Variants in RASA1 observed in about 807,000 individuals in gnomAD.
RASA1 encodes the protein ras GTPase-activating protein 1.
RASA1 carries 25 observed loss-of-function variants against 132.2 expected under a neutral mutation model. The ratio of observed to expected loss-of-function variants is 0.19; its 90% CI spans 0.14 to 0.26. RASA1 has a LOEUF of 0.26. Among genes scored for constraint, RASA1 ranks in the 10% least tolerant of loss-of-function variants. RASA1 has a pLI of 1.00. For synonymous variants in RASA1, 477 were observed against 449.9 expected (o/e 1.06, Z -0.76); for missense variants, 964 against 1,299.2 (o/e 0.74, Z 3.97).
In RASA1 at chr5:87,268,290, T is replaced by C. The variant is rs997903069; in HGVS notation, c.-162T>C. ...AGCTGGGGAGCCTGGGCTGTGGCCC[T>C]AGGAGGGGGCGCGGCGGCGGGCTCT... On this transcript the variant is annotated 5_prime_UTR_variant, in exon 1 of 25. Transcript: ENST00000274376. The C allele has an allele frequency of 1.9e-6, 2 of 1,065,362 alleles. No individual in the cohort carries two copies. The highest frequency in any genetic ancestry group is 2.6e-6 in the Non-Finnish European group (2 of 763,954). The allele number at this position is 1,065,362 out of a possible 1,614,324, so 66.0% of individuals were successfully genotyped here.
chr5:87,281,742 G>A (rs970839260), intron 1 of RASA1, among the ~76,000 whole-genome samples: 2 of 151,734 alleles, frequency 1.3e-5, no homozygotes, highest in African/African-American at 4.8e-5. Flanking sequence ...CACCACGCCC[G>A]GCAAATTTTT....
intron 1 of RASA1, among the ~76,000 whole-genome samples, chr5:87,309,766 T>C (rs1755783600): frequency 6.6e-6 from 1 of 152,132 alleles, no homozygotes; most frequent in East Asian, 1.9e-4. Flanking sequence ...ATTTTATATA[T>C]AAACCTATAG....
rs1253336188 is a variant in RASA1 at position 87,376,951 on chromosome 5, T to G, written c.2255T>G (p.Leu752Arg). 2 of 1,611,462 alleles carry G rather than the reference T, an allele frequency of 1.2e-6. No homozygotes were observed. ...SHVCGQDRTL[L>R]ASILLRIFLH... ...GTATGTGGACAAGACCGAACACTAC[T>G]GGCCAGCATCCTACTGAGGATTTTT... Residue 752 changes from leucine to arginine, a missense_variant, in exon 17 of 25, where the codon CTG becomes CGG. By Grantham distance (102) the Leu-to-Arg change is moderately radical. Coordinates refer to ENST00000274376, the MANE Select transcript of RASA1 (RefSeq NM_002890.3).
intron 1 of RASA1, among the ~76,000 whole-genome samples, chr5:87,321,868 C>G (rs1430475070): frequency 6.6e-6 from 1 of 152,200 alleles, no homozygotes; most frequent in Non-Finnish European, 1.5e-5. Context: ...TTATGACCCA[C>G]AGTCAGAAAA....
chr5:87,275,320 A>G (rs1373294472), intron 1 of RASA1, among the ~76,000 whole-genome samples: 3 of 152,212 alleles, frequency 2.0e-5, no homozygotes, highest in African/African-American at 4.8e-5. Flanking sequence ...TGTTTTGGTT[A>G]TCTATTGCTG....
At chr5:87,361,282 C>T (rs1760073258) in intron 9 of RASA1, among the ~76,000 whole-genome samples, 1 of 152,114 alleles carries the variant, frequency 6.6e-6, no homozygotes, top group Non-Finnish European at 1.5e-5. Context: ...GTTTGTCAGC[C>T]CTGCTGTAAG....
intron 1 of RASA1, among the ~76,000 whole-genome samples, chr5:87,324,787 A>G (rs190065355): frequency 1.3e-4 from 20 of 152,180 alleles, no homozygotes; most frequent in Admixed American, 5.9e-4. Context: ...GGGGTACTAC[A>G]GCTGTTTTGC....
intron 1 of RASA1, among the ~76,000 whole-genome samples, chr5:87,279,837 A>G (rs1754233218): frequency 6.6e-6 from 1 of 152,238 alleles, no homozygotes; most frequent in Non-Finnish European, 1.5e-5. Flanking sequence ...TCATGCCATT[A>G]CAAAGTCAAA....
intron 1 of RASA1, among the ~76,000 whole-genome samples, chr5:87,305,908 G>A (rs929051932): frequency 6.6e-6 from 1 of 152,334 alleles, no homozygotes; most frequent in East Asian, 1.9e-4. Context: ...TTAGAGAGAT[G>A]TAAATCAAAG....
intron 1 of RASA1, among the ~76,000 whole-genome samples, chr5:87,313,906 G>A (rs1474829657): frequency 1.3e-5 from 2 of 152,166 alleles, no homozygotes; most frequent in Admixed American, 1.3e-4. Context: ...GGTGGCTCAT[G>A]CCTGCAATCC....
intron 1 of RASA1, among the ~76,000 whole-genome samples, chr5:87,290,298 A>G (rs1754858942): frequency 6.6e-6 from 1 of 152,248 alleles, no homozygotes; most frequent in South Asian, 2.1e-4. Context: ...ATACTTCTAG[A>G]TAGGCACAAA....
intron 19 of RASA1, 23 bp downstream of exon 19, chr5:87,379,873 G>C: frequency 6.2e-7 from 1 of 1,606,674 alleles, no homozygotes; most frequent in Non-Finnish European, 8.5e-7. Flanking sequence ...ATTTTCATTT[G>C]ACAAGAAATT....
At chr5:87,327,762 C>T (rs1319502410) in intron 1 of RASA1, among the ~76,000 whole-genome samples, 2 of 151,998 alleles carry the variant, frequency 1.3e-5, no homozygotes, top group South Asian at 2.1e-4. Flanking sequence ...GTCAGTAGCT[C>T]GGGACCAGCC....
chr5:87,333,997 G>T (rs2112373514), intron 4 of RASA1, among the ~76,000 whole-genome samples: 1 of 152,204 alleles, frequency 6.6e-6, no homozygotes, highest in Middle Eastern at 3.4e-3. Context: ...TTTTTAGTGG[G>T]ATCATTTAGG....
chr5:87,295,253 G>A (rs1013998185), intron 1 of RASA1, among the ~76,000 whole-genome samples: 4 of 151,822 alleles, frequency 2.6e-5, no homozygotes, highest in African/African-American at 2.4e-5. Context: ...TGAGTTTCTT[G>A]TTCATATAGT....
chr5:87,335,874 T>C (rs1385022549), intron 4 of RASA1, among the ~76,000 whole-genome samples: 2 of 152,208 alleles, frequency 1.3e-5, no homozygotes, highest in Non-Finnish European at 1.5e-5. Context: ...GATAGACCAA[T>C]AGATGTTATT....
intron 24 of RASA1, among the ~76,000 whole-genome samples, chr5:87,390,512 T>G (rs954290053): frequency 5.9e-5 from 9 of 151,720 alleles, no homozygotes; most frequent in Non-Finnish European, 8.8e-5. Context: ...AAAAGAGAGA[T>G]AAACTGCTTC....
At chr5:87,355,783 G>T (rs1347038573) in intron 9 of RASA1, among the ~76,000 whole-genome samples, 3 of 152,202 alleles carry the variant, frequency 2.0e-5, no homozygotes, top group African/African-American at 7.2e-5. Context: ...TGATTCATGG[G>T]CAGAGGCCAA....
intron 1 of RASA1, among the ~76,000 whole-genome samples, chr5:87,327,075 A>T (rs936128420): frequency 6.6e-5 from 10 of 152,278 alleles, no homozygotes; most frequent in African/African-American, 2.2e-4. Flanking sequence ...TACTGGTTTG[A>T]TATTAATTAA....
Sources: gnomAD v4.1 joint callset for allele counts (sites outside exome capture counted in the v4.1 genomes callset) on GRCh38, gnomAD v4.1.1 for gene constraint, MANE v1.5 for transcripts, NCBI Gene and HGNC (gene_info 2026-07-23, HGNC 2026-07-21) for gene names.